The following BBS9 variants were observed in gnomAD, a reference collection of about 807,000 sequenced individuals.
BBS9 encodes the protein Bardet-Biedl syndrome 9.
In BBS9, 89 loss-of-function variants were observed where a neutral mutation model predicts 117.7. That is an observed-to-expected ratio of 0.76 (90% CI 0.64 to 0.90). The LOEUF (loss-of-function observed/expected upper bound fraction) is 0.90. Among genes scored for constraint, BBS9 ranks in the 40% least tolerant of loss-of-function variants. The probability of loss-of-function intolerance (pLI) is 0.00; values close to 1 mark genes in which losing one functional copy is unlikely to be tolerated. For missense variants in BBS9, 982 were observed against 1,042.2 expected, an observed-to-expected ratio of 0.94 and a Z score of 0.80; for synonymous variants, 379 against 370.9, an observed-to-expected ratio of 1.02 and a Z score of -0.25.
intron 19 of BBS9, among the ~76,000 whole-genome samples, chr7:33,401,980 G>A (rs1174609052): frequency 6.6e-6 from 1 of 152,130 alleles, no homozygotes; most frequent in Non-Finnish European, 1.5e-5. Context: ...ATGTTATATA[G>A]AGTTAAATAA....
intron 9 of BBS9, among the ~76,000 whole-genome samples, chr7:33,307,686 T>C (rs1808310773): frequency 6.6e-6 from 1 of 152,208 alleles, no homozygotes; most frequent in African/African-American, 2.4e-5. Flanking sequence ...ACAATGTGAA[T>C]GCTATGTAAA....
At chr7:33,196,815 A>G (rs1785028228) in intron 5 of BBS9, among the ~76,000 whole-genome samples, 1 of 152,200 alleles carries the variant, frequency 6.6e-6, no homozygotes, top group African/African-American at 2.4e-5. Flanking sequence ...CATGGCATTC[A>G]TTTATAAAAT....
chr7:33,420,003 G>A lies in BBS9; in HGVS notation c.2115+31859G>A, dbSNP rs558981275. Among the ~76,000 whole-genome samples the A allele has an allele frequency of 2.0e-4, 31 of 152,184 alleles. 1 individual carries two copies. In the East Asian group the frequency reaches 4.6e-3, roughly 23 times the overall value. On this transcript the variant is annotated intron_variant, in intron 19 of 22. Transcript: ENST00000242067. Reference sequence around the variant, plus strand: ...TAATTTGAAGAAGTTTTGGAAATTAGGTTCAGTTACCTCATTTCACAGGAG... The same window carrying A: ...TAATTTGAAGAAGTTTTGGAAATTAAGTTCAGTTACCTCATTTCACAGGAG...
intron 21 of BBS9, among the ~76,000 whole-genome samples, chr7:33,539,473 A>G (rs1851935888): frequency 6.6e-6 from 1 of 152,218 alleles, no homozygotes; most frequent in Non-Finnish European, 1.5e-5. Flanking sequence ...TGTCCTTATA[A>G]CAGGAAATTT....
intron 4 of BBS9, among the ~76,000 whole-genome samples, chr7:33,163,417 C>G (rs975342267): frequency 6.6e-6 from 1 of 152,296 alleles, no homozygotes; most frequent in East Asian, 1.9e-4. Flanking sequence ...ACCACCTCCT[C>G]TTTGTACCTC....
chr7:33,315,939 C>T (rs142477117), intron 9 of BBS9, among the ~76,000 whole-genome samples: 18 of 152,268 alleles, frequency 1.2e-4, no homozygotes, highest in African/African-American at 4.3e-4. Flanking sequence ...ATACTTCCAT[C>T]TACTCTTATT....
At chr7:33,256,157 AAAAC>A (rs1260673585) in intron 5 of BBS9, among the ~76,000 whole-genome samples, 1 of 111,946 alleles carries the variant, frequency 8.9e-6, no homozygotes, top group African/African-American at 2.7e-5. Context: ...GTCTCAAATA[AAAAC>A]AAACAAAAAA....
At chr7:33,590,459 G>GTTTTTTTTTTTTTTTTTTTTT (rs71554107) in intron 21 of BBS9, among the ~76,000 whole-genome samples, 3 of 101,492 alleles carry the variant, frequency 3.0e-5, no homozygotes, top group Non-Finnish European at 3.9e-5. Flanking sequence ...TTGTTTTTTT[G>GTTTTTTTTTTTTTTTTTTTTT]TTTTTTTTTT....
At chr7:33,569,597 A>C (rs1857448852) in intron 21 of BBS9, among the ~76,000 whole-genome samples, 1 of 151,558 alleles carries the variant, frequency 6.6e-6, no homozygotes, top group Non-Finnish European at 1.5e-5. Context: ...CTTAAAAAAA[A>C]AAAAAATACA....
chr7:33,527,457 G>A (rs1239532001), intron 20 of BBS9, among the ~76,000 whole-genome samples: 2 of 152,304 alleles, frequency 1.3e-5, no homozygotes, highest in South Asian at 2.1e-4. Context: ...GTGGTGCGCC[G>A]TTTTTTAAGC....
downstream of BBS9, among the ~76,000 whole-genome samples, chr7:33,609,166 G>A (rs756032375): frequency 2.6e-5 from 4 of 152,086 alleles, no homozygotes; most frequent in African/African-American, 4.8e-5. Context: ...TCAAATGGCT[G>A]TAGGCGTGTG....
In BBS9 at chr7:33,151,771, G is replaced by A. The variant is rs185567638; in HGVS notation, c.113-930G>A. Among the ~76,000 whole-genome samples the A allele has an allele frequency of 7.0e-3, 1,053 of 150,390 alleles. 14 individuals are homozygous for A. The highest frequency in any genetic ancestry group is 0.022 in the African/African-American group (886 of 40,962). Reference sequence around the variant, plus strand: ...TCAACATGTTGGCCAGGCTGGTCTCGAACTCCTGATCTCAAGTGATCTGCC... The same window carrying A: ...TCAACATGTTGGCCAGGCTGGTCTCAAACTCCTGATCTCAAGTGATCTGCC... On this transcript the variant is annotated intron_variant, in intron 2 of 22. Transcript: ENST00000242067.
At chr7:33,459,432 G>T (rs904573594) in intron 19 of BBS9, among the ~76,000 whole-genome samples, 2 of 151,662 alleles carry the variant, frequency 1.3e-5, no homozygotes, top group African/African-American at 2.4e-5. Flanking sequence ...ACAGAGGGCA[G>T]AGCAGCCCTC....
intron 21 of BBS9, among the ~76,000 whole-genome samples, chr7:33,545,817 C>T (rs1192862148): frequency 6.6e-6 from 1 of 151,414 alleles, no homozygotes; most frequent in Non-Finnish European, 1.5e-5. Context: ...TGTATACACT[C>T]ACTACGTATG....
chr7:33,188,243 C>G (rs1783492111), intron 5 of BBS9, among the ~76,000 whole-genome samples: 1 of 151,888 alleles, frequency 6.6e-6, no homozygotes, highest in Non-Finnish European at 1.5e-5. Context: ...ATTAGTAATT[C>G]CCAGTTTCAA....
At chr7:33,285,409 G>T (rs1006610149) in intron 9 of BBS9, among the ~76,000 whole-genome samples, 2 of 152,132 alleles carry the variant, frequency 1.3e-5, no homozygotes, top group Non-Finnish European at 2.9e-5. Flanking sequence ...TGAAGGAACA[G>T]AATTATGTCA....
At chr7:33,545,264 G>T (rs1290199491) in intron 21 of BBS9, among the ~76,000 whole-genome samples, 1 of 152,154 alleles carries the variant, frequency 6.6e-6, no homozygotes, top group African/African-American at 2.4e-5. Flanking sequence ...TTCAGCTAGA[G>T]AATTCCTTCT....
intron 5 of BBS9, among the ~76,000 whole-genome samples, chr7:33,226,965 G>A (rs1791404129): frequency 6.6e-6 from 1 of 152,090 alleles, no homozygotes; most frequent in African/African-American, 2.4e-5. Flanking sequence ...GAGATGAATG[G>A]TGGTGGATTG....
intron 9 of BBS9, among the ~76,000 whole-genome samples, chr7:33,305,517 G>A (rs1234676173): frequency 1.3e-5 from 2 of 152,138 alleles, no homozygotes; most frequent in Non-Finnish European, 2.9e-5. Context: ...GGTAGAATCA[G>A]CAGTAAAGTC....
Sources: allele counts gnomAD v4.1 joint callset (sites outside exome capture counted in the v4.1 genomes callset), GRCh38; gene constraint gnomAD v4.1.1; transcripts MANE v1.5; gene names NCBI Gene and HGNC (gene_info 2026-07-23, HGNC 2026-07-21).